ZNF697: variants seen among roughly 807,000 people sequenced by gnomAD.
The protein encoded by ZNF697 is zinc finger protein 697.
A neutral mutation model predicts 32.4 loss-of-function variants in ZNF697; 23 were observed. The observed-to-expected ratio is 0.71, with a 90% CI of 0.51 to 1.01. The LOEUF is 1.01. ZNF697 is among the 50% of genes least tolerant of loss of function. ZNF697 has a pLI of 0.00. For synonymous variants in ZNF697, 418 were observed against 337.2 expected (o/e 1.24, Z -2.62); for missense variants, 930 against 794.0 (o/e 1.17, Z -2.06).
In ZNF697 at chr1:119,622,979, T is replaced by C; in HGVS notation, c.1364A>G (p.His455Arg). The C allele has an allele frequency of 6.3e-7, 1 of 1,599,190 alleles. No homozygotes were observed. ...CTTCTCGCCGGTGTGCACGCGCAGG[T>C]GGTTCACCAGGTGCGAGTTACGCCC... ...GFGRNSHLVN[H>R]LRVHTGEKPF... The change falls in exon 3 of 3, where the codon CAC becomes CGC. Residue 455 changes from histidine to arginine, a missense_variant. Transcript: ENST00000421812.
Position 119,620,503 on chromosome 1 carries a change from AG to A in ZNF697, c.*2201del, listed in dbSNP as rs1648277098. On this transcript the variant is annotated 3_prime_UTR_variant, in exon 3 of 3. Transcript: ENST00000421812. ...ATGGAAAGAAACCCACAAAGCAGTA[AG>A]ATTACCTAGAAATTGGCTATATTAT... 1 of 152,688 alleles carries A rather than the reference AG, an allele frequency of 6.5e-6. No individual in the cohort carries two copies. The highest frequency in any genetic ancestry group is 2.4e-5 in the African/African-American group (1 of 41,462). The allele number at this position is 152,688 out of a possible 1,614,324, so 9.5% of individuals were successfully genotyped here. A position where few individuals can be genotyped will look rare whatever the true frequency, so the allele number is the denominator to read the frequency against.
intron 1 of ZNF697, among the ~76,000 whole-genome samples, chr1:119,627,187 G>A (rs1396423855): frequency 6.6e-6 from 1 of 152,206 alleles, no homozygotes; most frequent in Non-Finnish European, 1.5e-5. Flanking sequence ...CTAGCTCTCT[G>A]CCTCAGCAGT....
At position 119,623,549 on chromosome 1, in the gene ZNF697, TC is replaced by T; in HGVS notation, c.793del (p.Glu265SerfsTer12). ...PPREKPFRCGECGKGFSRNTY... is the reference protein window; with the variant it reads ...PPREKPFRCGXCGKGFSRNTY... ...GTTGCGGCTGAAGCCCTTGCCGCAC[TC>T]CCCGCAGCGGAAGGGCTTTTCGCGC... On this transcript the variant is annotated frameshift_variant, in exon 3 of 3. Transcript: ENST00000421812. LOFTEE classifies it high-confidence loss of function. 6.5e-7 allele frequency: 1 copy of T among 1,531,570 alleles called. No homozygotes were observed. The allele number at this position is 1,531,570 out of a possible 1,614,324, so 94.9% of individuals were successfully genotyped here.
At chr1:119,637,437 T>C (rs900863491) in intron 1 of ZNF697, among the ~76,000 whole-genome samples, 1 of 152,224 alleles carries the variant, frequency 6.6e-6, no homozygotes, top group Admixed American at 6.5e-5. Flanking sequence ...AGAGAATGTA[T>C]CCACAGATAA....
At chr1:119,629,373 G>T (rs902950260) in intron 1 of ZNF697, among the ~76,000 whole-genome samples, 4 of 152,178 alleles carry the variant, frequency 2.6e-5, no homozygotes, top group African/African-American at 9.7e-5. Context: ...GGCATATTTT[G>T]TTCCAGCTCC....
Position 119,641,356 on chromosome 1 carries a change from A to G in ZNF697, c.-38+6335T>C, listed in dbSNP as rs758243766. 1.2e-4 allele frequency among the ~76,000 whole-genome samples: 18 copies of G among 152,248 alleles called. 2 individuals are homozygous for G. Among genetic ancestry groups the G allele is most frequent in the Middle Eastern group, 6.8e-3 (2 of 294 alleles). On this transcript the variant is annotated intron_variant, in intron 1 of 2. Transcript: ENST00000421812. ...TTAAATCTGGCACACATCCCCCCCT[A>G]AAAAAGGAAAAGATGGGGAAAGCTC...
In ZNF697 at chr1:119,623,399, T is replaced by C. The variant is rs2101077679; in HGVS notation, c.944A>G (p.Lys315Arg). The C allele has an allele frequency of 4.6e-6, 7 of 1,516,792 alleles. No individual in the cohort carries two copies. Among genetic ancestry groups the C allele is most frequent in the Non-Finnish European group, 6.2e-6 (7 of 1,133,888 alleles). The allele number at this position is 1,516,792 out of a possible 1,614,324, so 94.0% of individuals were successfully genotyped here. The change falls in exon 3 of 3, where the codon AAG becomes AGG. Residue 315 changes from lysine to arginine, a missense_variant. Lys to Arg is a conservative substitution (Grantham distance 26, BLOSUM62 2). Transcript: ENST00000421812. ...LKHRRLHTGE[K>R]PYPCPECGEA... ...GCCGCACTCGGGGCACGGGTAGGGC[T>C]TCTCGCCCGTGTGCAGGCGCCGGTG...
Position 119,620,396 on chromosome 1 carries a change from T to C in ZNF697, c.*2309A>G, listed in dbSNP as rs1240798587. The C allele has an allele frequency of 6.6e-6, 1 of 152,364 alleles. No individual in the cohort carries two copies. The highest frequency in any genetic ancestry group is 1.5e-5 in the Non-Finnish European group (1 of 67,998). The allele number at this position is 152,364 out of a possible 1,614,324, so 9.4% of individuals were successfully genotyped here. A position where few individuals can be genotyped will look rare whatever the true frequency, so the allele number is the denominator to read the frequency against. On this transcript the variant is annotated 3_prime_UTR_variant, in exon 3 of 3. Transcript: ENST00000421812. ...AAGCAAAAAAAAAGCGGATAATCAA[T>C]CCATGAATAATCAAAAGTTGGATGA...
chr1:119,623,587 C>T lies in ZNF697; in HGVS notation c.756G>A (p.Leu252=), dbSNP rs955018686. ...VAGGFGAGPP[L]ARPPREKPFR... The stretch of plus-strand genomic sequence containing the variant: ...AGGGCTTTTCGCGCGGGGGCCGGGC[C>T]AGCGGGGGCCCGGCCCCGAAGCCCC... Residue 252 remains leucine, a synonymous_variant, in exon 3 of 3, where the codon CTG becomes CTA. Transcript: ENST00000421812. The T allele has an allele frequency of 1.4e-6, 2 of 1,440,476 alleles. No homozygotes were observed. Among genetic ancestry groups the T allele is most frequent in the Non-Finnish European group, 1.8e-6 (2 of 1,109,568 alleles). The allele number at this position is 1,440,476 out of a possible 1,614,324, so 89.2% of individuals were successfully genotyped here. A position where few individuals can be genotyped will look rare whatever the true frequency, so the allele number is the denominator to read the frequency against.
chr1:119,633,287 C>T (rs943035679), intron 1 of ZNF697, among the ~76,000 whole-genome samples: 3 of 151,772 alleles, frequency 2.0e-5, no homozygotes, highest in Non-Finnish European at 2.9e-5. Flanking sequence ...AAATTGAGGA[C>T]ATATACTTGT....
rs1353043016 is a variant in ZNF697 at position 119,625,990 on chromosome 1, T to C, written c.111A>G (p.Arg37=). 4.3e-6 allele frequency: 7 copies of C among 1,613,918 alleles called. No homozygotes were observed. In the South Asian group the frequency reaches 7.7e-5, roughly 18 times the overall value. ...SEDREGDPEE[R]EMGSNPHDTN... ...TGTCATGTGGATTAGAGCCCATTTC[T>C]CTTTCTTCTGGGTCCCCTTCCCTGT... The change falls in exon 2 of 3, where the codon AGA becomes AGG. Residue 37 remains arginine (R), a synonymous_variant. Transcript: ENST00000421812.
At chr1:119,626,773 T>C (rs1210374212) in intron 1 of ZNF697, among the ~76,000 whole-genome samples, 1 of 152,236 alleles carries the variant, frequency 6.6e-6, no homozygotes, top group Non-Finnish European at 1.5e-5. Flanking sequence ...AGTGAGGATC[T>C]ACTTTGCAGG....
chr1:119,646,899 C>T (rs1377255997), intron 1 of ZNF697, among the ~76,000 whole-genome samples: 3 of 152,144 alleles, frequency 2.0e-5, no homozygotes, highest in Admixed American at 2.0e-4. Context: ...ATTATCCAAC[C>T]GCATTTACCA....
rs992428598 is a variant in ZNF697, at chr1:119,621,326, T to C, written c.*1379A>G. On this transcript the variant is annotated 3_prime_UTR_variant, in exon 3 of 3. Coordinates refer to ENST00000421812, the MANE Select transcript of ZNF697 (RefSeq NM_001080470.2). ...CTTCAGGACAGCCTGCACACTCCTG[T>C]TCCCAGGCCTTCCCTAAGACAGCGG... The C allele has an allele frequency of 6.6e-6, 1 of 152,600 alleles. No individual in the cohort carries two copies. Among genetic ancestry groups the C allele is most frequent in the Non-Finnish European group, 1.5e-5 (1 of 68,048 alleles). The allele number at this position is 152,600 out of a possible 1,614,324, so 9.5% of individuals were successfully genotyped here.
intron 1 of ZNF697, among the ~76,000 whole-genome samples, chr1:119,640,044 T>C (rs1649026584): frequency 6.6e-6 from 1 of 152,248 alleles, no homozygotes; most frequent in Admixed American, 6.5e-5. Context: ...TTATTATTTT[T>C]TCACTTTGTA....
At position 119,642,147 on chromosome 1, in the gene ZNF697, C is replaced by G. The variant is rs587686911; in HGVS notation, c.-38+5544G>C. Among the ~76,000 whole-genome samples the G allele has an allele frequency of 2.0e-5, 3 of 152,254 alleles. No individual in the cohort carries two copies. In the South Asian group the frequency reaches 6.2e-4, roughly 32 times the overall value. ...AGGTCACATACTGTATGATTCCAACCATATGACAATCTGTAAAAGGCAAAC... is the reference window on the plus strand; with the variant it reads ...AGGTCACATACTGTATGATTCCAACGATATGACAATCTGTAAAAGGCAAAC... On this transcript the variant is annotated intron_variant, in intron 1 of 2. Coordinates refer to ENST00000421812, the MANE Select transcript of ZNF697 (RefSeq NM_001080470.2).
chr1:119,622,919 C>A lies in ZNF697; in HGVS notation c.1424G>T (p.Ser475Ile). 1 of 1,608,376 alleles carries A rather than the reference C, an allele frequency of 6.2e-7. No individual in the cohort carries two copies. The highest frequency in any genetic ancestry group is 8.5e-7 in the Non-Finnish European group (1 of 1,177,376). The change falls in exon 3 of 3, where the codon AGC becomes ATC. Residue 475 changes from serine to isoleucine, a missense_variant. Ser to Ile is a moderately radical substitution (Grantham distance 142). Transcript: ENST00000421812. ...GTGCTGCGTGAGCGTGGAGAAGTCG[C>A]TGAAGCGCTTCTCGCACTGGCCACA... ...FRCGQCEKRF[S>I]DFSTLTQHQR...
At chr1:119,648,266 T>TG (rs1485544140), upstream of ZNF697, 2 of 149,884 alleles carry the variant, frequency 1.3e-5, no homozygotes, top group African/African-American at 4.9e-5. Context: ...GACTCCTCAC[T>TG]GGGGCTTCCT....
intron 2 of ZNF697, 149 bp downstream of exon 2, chr1:119,625,726 A>G: frequency 8.7e-7 from 1 of 1,146,986 alleles, no homozygotes; most frequent in Non-Finnish European, 1.2e-6. Context: ...AGGCTAACAC[A>G]AGAGAGGCAA....
Sources: gnomAD v4.1 joint callset for allele counts (sites outside exome capture counted in the v4.1 genomes callset) on GRCh38, gnomAD v4.1.1 for gene constraint, MANE v1.5 for transcripts, NCBI Gene and HGNC (gene_info 2026-07-23, HGNC 2026-07-21) for gene names.